Variants in LCORL observed in about 807,000 individuals in gnomAD.
LCORL encodes ligand-dependent nuclear receptor corepressor-like protein.
Under a neutral mutation model 141.8 loss-of-function variants are expected in LCORL, and 41 were observed. The ratio of observed to expected loss-of-function variants is 0.29; its 90% CI spans 0.23 to 0.38. The LOEUF is 0.38. Ranked by LOEUF, LCORL falls within the 10% of genes least tolerant of loss-of-function variation. The pLI is 1.00. For synonymous variants in LCORL, 618 were observed against 694.1 expected (o/e 0.89, Z 1.72); for missense variants, 1,759 against 2,035.0 (o/e 0.86, Z 2.61).
chr4:17,953,962 G>A (rs1464245868), intron 4 of LCORL, among the ~76,000 whole-genome samples: 1 of 152,164 alleles, frequency 6.6e-6, no homozygotes, highest in Admixed American at 6.5e-5. Flanking sequence ...AGGAGATCGA[G>A]ACCATCCTGC....
Position 18,021,677 on chromosome 4 carries a change from C to T in LCORL, c.75G>A (p.Arg25=), listed in dbSNP as rs1274487321. Residue 25 remains arginine (R), a synonymous_variant, in exon 1 of 8, where the codon CGG becomes CGA. Transcript: ENST00000635767. The surrounding 1 kb of genome is among the most constrained non-coding windows in gnomAD (Gnocchi z 5.5). ...TTCTCTCCGCCGCGCACCGAGGGCT[C>T]CGGCACTGAGCGGCGGCGGCGGCGG... The T allele has an allele frequency of 7.8e-6, 12 of 1,541,416 alleles. No homozygotes were observed. The highest frequency in any genetic ancestry group is 2.0e-5 in the Admixed American group (1 of 49,664).
chr4:17,842,461 G>T, exon 8 of LCORL: 1 of 1,031,930 alleles, frequency 9.7e-7, no homozygotes, highest in Non-Finnish European at 1.5e-6. Context: ...ATTTTCTTGC[G>T]AATGAGAGAG....
intron 4 of LCORL, chr4:17,912,093 C>T: frequency 1.4e-6 from 1 of 735,784 alleles, no homozygotes; most frequent in South Asian, 1.3e-5. Context: ...ACTTCAAGAC[C>T]ACCAAGGACG....
intron 1 of LCORL, among the ~76,000 whole-genome samples, chr4:17,990,945 C>G (rs1719908477): frequency 1.3e-5 from 2 of 151,720 alleles, no homozygotes; most frequent in Admixed American, 6.6e-5. Context: ...GATTTGAAAG[C>G]AAAATCATGT....
intron 4 of LCORL, among the ~76,000 whole-genome samples, chr4:17,931,687 T>C (rs1476171635): frequency 6.6e-6 from 1 of 152,124 alleles, no homozygotes; most frequent in African/African-American, 2.4e-5. Context: ...GTATTGTTTC[T>C]ACTTTATGGA....
At chr4:17,995,779 A>G (rs12512354) in intron 1 of LCORL, among the ~76,000 whole-genome samples, 4,442 of 152,160 alleles carry the variant, frequency 0.029, 82 homozygotes, top group Middle Eastern at 0.054. Context: ...TATATCTAAT[A>G]TTATATAAGT....
intron 4 of LCORL, among the ~76,000 whole-genome samples, chr4:17,937,625 T>C (rs1461783324): frequency 6.6e-6 from 1 of 152,164 alleles, no homozygotes; most frequent in South Asian, 2.1e-4. Context: ...TCATTCTCCA[T>C]AGAAACATAT....
chr4:17,937,602 C>A (rs1328336865), intron 4 of LCORL, among the ~76,000 whole-genome samples: 1 of 152,166 alleles, frequency 6.6e-6, no homozygotes, highest in Admixed American at 6.6e-5. Flanking sequence ...TAGATTTCTT[C>A]TCCTTTTTCA....
chr4:17,922,331 T>C (rs1734428073), intron 4 of LCORL, among the ~76,000 whole-genome samples: 1 of 152,178 alleles, frequency 6.6e-6, no homozygotes, highest in Non-Finnish European at 1.5e-5. Context: ...AGAACACTGA[T>C]AGTCCTTGGC....
chr4:17,945,608 G>T (rs1244952549), intron 4 of LCORL, among the ~76,000 whole-genome samples: 1 of 151,576 alleles, frequency 6.6e-6, no homozygotes, highest in Non-Finnish European at 1.5e-5. Flanking sequence ...TTCCTTAAAA[G>T]GCCCTGAACT....
chr4:17,895,012 T>C (rs1291249552), intron 5 of LCORL, among the ~76,000 whole-genome samples: 1 of 149,390 alleles, frequency 6.7e-6, no homozygotes, highest in Non-Finnish European at 1.5e-5. Flanking sequence ...TTTATCTTTA[T>C]ATATATATGT....
exon 7 of LCORL, chr4:17,875,322 T>G (rs1314073166): frequency 1.6e-6 from 2 of 1,231,328 alleles, no homozygotes. Flanking sequence ...TATCACAGAT[T>G]TGTTCTTGAT....
chr4:17,955,652 C>T (rs578050050), intron 4 of LCORL, among the ~76,000 whole-genome samples: 50 of 152,086 alleles, frequency 3.3e-4, no homozygotes, highest in African/African-American at 1.2e-3. Flanking sequence ...GAGAGGAAAT[C>T]GACTAAATAA....
exon 8 of LCORL, chr4:17,842,505 C>A: frequency 1.3e-6 from 1 of 752,126 alleles, no homozygotes; most frequent in Non-Finnish European, 2.2e-6. Flanking sequence ...CTATAAATAG[C>A]TGTCTTAGGT....
At chr4:17,966,037 C>T (rs532685905) in intron 2 of LCORL, among the ~76,000 whole-genome samples, 8 of 152,084 alleles carry the variant, frequency 5.3e-5, no homozygotes, top group African/African-American at 1.9e-4. Flanking sequence ...AGATACTAAT[C>T]CTTAGGCAAT....
At position 17,844,386 on chromosome 4, in the gene LCORL, GCTT is replaced by G. The variant is rs1215313447; in HGVS notation, c.*1499_*1501del. 8 of 152,358 alleles carry G rather than the reference GCTT, an allele frequency of 5.3e-5. No individual in the cohort carries two copies. The East Asian group carries it at 1.4e-3, about 26-fold the overall frequency. 9.4% of individuals were successfully genotyped at this position (152,358 alleles called of 1,614,324 possible). ...TGGATCTGTTTGTTTTAATAATTGTGCTTTTTTTAGGCTTATCATCTACTAGAG... is the reference window on the plus strand; with the variant it reads ...TGGATCTGTTTGTTTTAATAATTGTGTTTTTAGGCTTATCATCTACTAGAG... On this transcript the variant is annotated 3_prime_UTR_variant, in exon 8 of 8. Coordinates refer to ENST00000635767, the Ensembl canonical transcript of LCORL.
intron 5 of LCORL, among the ~76,000 whole-genome samples, chr4:17,891,851 C>T (rs1225598999): frequency 1.3e-5 from 2 of 152,172 alleles, no homozygotes; most frequent in South Asian, 2.1e-4. Context: ...GATAAAGCGT[C>T]GAGCAGTTAA....
intron 4 of LCORL, among the ~76,000 whole-genome samples, chr4:17,942,979 T>C (rs963851282): frequency 6.6e-6 from 1 of 152,104 alleles, no homozygotes; most frequent in Non-Finnish European, 1.5e-5. Context: ...ATACTCCTTA[T>C]GAGAATCTAA....
At chr4:18,001,154 G>A (rs995326069) in intron 1 of LCORL, among the ~76,000 whole-genome samples, 2 of 152,188 alleles carry the variant, frequency 1.3e-5, no homozygotes, top group African/African-American at 4.8e-5. Flanking sequence ...CTGGGCAACA[G>A]AGCGAGACCC....
Sources: allele counts gnomAD v4.1 joint callset (sites outside exome capture counted in the v4.1 genomes callset), GRCh38; gene constraint gnomAD v4.1.1; non-coding constraint Gnocchi (gnomAD v3.1); transcripts MANE v1.5; gene names NCBI Gene and HGNC (gene_info 2026-07-23, HGNC 2026-07-21).